Variants in NRG1 observed in about 807,000 individuals in gnomAD.
NRG1 encodes pro-neuregulin-1, membrane-bound isoform.
In NRG1, 18 loss-of-function variants were observed where a neutral mutation model predicts 63.8. The ratio of observed to expected loss-of-function variants is 0.28; its 90% CI spans 0.19 to 0.42. The LOEUF is 0.42. Among genes scored for constraint, NRG1 ranks in the 10% least tolerant of loss-of-function variants. The pLI is 1.00. For synonymous variants in NRG1, 302 were observed against 301.3 expected (o/e 1.00, Z -0.02); for missense variants, 762 against 814.7 (o/e 0.94, Z 0.79).
At chr8:32,205,576 A>G (rs1254789960) in intron 1 of NRG1, among the ~76,000 whole-genome samples, 1 of 152,216 alleles carries the variant, frequency 6.6e-6, no homozygotes, top group Non-Finnish European at 1.5e-5. Context: ...AAAAAGAGGA[A>G]TTAACTCAAA....
At chr8:32,752,508 T>G (rs1277317923) in intron 7 of NRG1, among the ~76,000 whole-genome samples, 1 of 152,216 alleles carries the variant, frequency 6.6e-6, no homozygotes, top group Non-Finnish European at 1.5e-5. Flanking sequence ...GGCTTCCACA[T>G]GACTGCTAGA....
rs1347750704 is a variant in NRG1, at chr8:31,887,997, ATAAACC to A, written c.37+248569_37+248574del. On this transcript the variant is annotated intron_variant, in intron 1 of 10. Coordinates refer to the NRG1 transcript ENST00000519301. ...ATATTGATATATTACATATCAATAT[ATAAACC>A]TAGGATATAAACCCAATATGTAATT... Among the ~76,000 whole-genome samples the A allele has an allele frequency of 3.3e-5, 5 of 151,742 alleles. No individual in the cohort carries two copies. The East Asian group carries it at 7.8e-4, about 24-fold the overall frequency.
At position 31,649,440 on chromosome 8, in the gene NRG1, G is replaced by GT. The variant is rs572984499; in HGVS notation, c.37+10014dup. ...AATGCACGTGGAGTAGTGGTGAGCA[G>GT]TTTTTATATTGTTGTTGTTTTCTAT... On this transcript the variant is annotated intron_variant, in intron 1 of 10. Transcript: ENST00000519301. Among the ~76,000 whole-genome samples the GT allele has an allele frequency of 3.6e-3, 555 of 152,276 alleles. 1 individual carries two copies. The highest frequency in any genetic ancestry group is 7.3e-3 in the Admixed American group (111 of 15,308).
chr8:31,920,880 A>G (rs541290356), intron 1 of NRG1, among the ~76,000 whole-genome samples: 74 of 126,160 alleles, frequency 5.9e-4, no homozygotes, highest in African/African-American at 1.9e-3. Context: ...AGATAGATAG[A>G]TAGGTAGATA....
chr8:32,087,355 T>A, intron 1 of NRG1, among the ~76,000 whole-genome samples: 1 of 152,080 alleles, frequency 6.6e-6, no homozygotes, highest in African/African-American at 2.4e-5. Flanking sequence ...CCACCATGAT[T>A]ATGAGCTTCC....
chr8:31,847,523 C>G (rs1826805103), intron 1 of NRG1, among the ~76,000 whole-genome samples: 1 of 152,228 alleles, frequency 6.6e-6, no homozygotes, highest in South Asian at 2.1e-4. Flanking sequence ...CCTACCTTTT[C>G]TACTATTGAG....
intron 1 of NRG1, among the ~76,000 whole-genome samples, chr8:31,871,746 T>G (rs1249757901): frequency 6.6e-6 from 1 of 152,090 alleles, no homozygotes; most frequent in Admixed American, 6.6e-5. Flanking sequence ...CATATCTAAT[T>G]CCTCCTTTTA....
intron 1 of NRG1, among the ~76,000 whole-genome samples, chr8:31,994,049 T>C (rs760761876): frequency 3.9e-5 from 6 of 152,014 alleles, no homozygotes; most frequent in African/African-American, 1.2e-4. Flanking sequence ...CAGGGTCTAG[T>C]TGCCATCTTA....
intron 1 of NRG1, among the ~76,000 whole-genome samples, chr8:32,066,654 T>C (rs948435617): frequency 6.6e-6 from 1 of 152,202 alleles, no homozygotes; most frequent in Non-Finnish European, 1.5e-5. Context: ...TGGCTTAGTG[T>C]TGACTTGGCA....
At chr8:32,467,662 T>C (rs1232109266) in intron 1 of NRG1, among the ~76,000 whole-genome samples, 2 of 152,100 alleles carry the variant, frequency 1.3e-5, no homozygotes, top group African/African-American at 4.8e-5. Context: ...ATCTGTCCTT[T>C]AAAGAGTATA....
In NRG1 at chr8:32,364,586, GGTT is replaced by G. The variant is rs375150876; in HGVS notation, c.38-231238_38-231236del. Among the ~76,000 whole-genome samples the G allele has an allele frequency of 2.1e-3, 315 of 151,974 alleles. 2 individuals carry two copies. Among genetic ancestry groups the G allele is most frequent in the Non-Finnish European group, 3.7e-3 (250 of 67,942 alleles). On this transcript the variant is annotated intron_variant, in intron 1 of 10. Coordinates refer to the NRG1 transcript ENST00000519301. ...ATGATATTGTATTGACAACCACCCG[GGTT>G]GTTTTTAATATTTCATTTTTACAAA...
At chr8:32,475,112 C>G (rs1184914378) in intron 1 of NRG1, among the ~76,000 whole-genome samples, 2 of 152,020 alleles carry the variant, frequency 1.3e-5, no homozygotes, top group Non-Finnish European at 2.9e-5. Flanking sequence ...AAGCAGCTTC[C>G]CCAGCTTACT....
chr8:31,861,918 C>T lies in NRG1; in HGVS notation c.37+222487C>T, dbSNP rs111890357. 3.9e-5 allele frequency among the ~76,000 whole-genome samples: 6 copies of T among 152,222 alleles called. 1 individual carries two copies. Among genetic ancestry groups the T allele is most frequent in the African/African-American group, 1.4e-4 (6 of 41,544 alleles). On this transcript the variant is annotated intron_variant, in intron 1 of 10. Transcript: ENST00000519301. ...CACCCTGAAATGGGTGAAAAAAAAT[C>T]AGGTACCTCCTATTTCATAAGGATG...
intron 1 of NRG1, among the ~76,000 whole-genome samples, chr8:31,980,766 T>TG (rs1808934991): frequency 6.6e-6 from 1 of 152,066 alleles, no homozygotes; most frequent in African/African-American, 2.4e-5. Context: ...TCATATATTT[T>TG]GGCATGATAA....
At chr8:31,792,559 GTTTCA>G (rs1326419745) in intron 1 of NRG1, among the ~76,000 whole-genome samples, 1 of 152,180 alleles carries the variant, frequency 6.6e-6, no homozygotes, top group Non-Finnish European at 1.5e-5. Context: ...TAAAAAAATT[GTTTCA>G]TTAATAGATT....
At chr8:31,650,951 A>G (rs1257961386) in intron 1 of NRG1, among the ~76,000 whole-genome samples, 1 of 152,166 alleles carries the variant, frequency 6.6e-6, no homozygotes, top group African/African-American at 2.4e-5. Context: ...GAGAAGGTAA[A>G]ATGCTTTTCA....
Position 32,551,162 on chromosome 8 carries a change from G to C in NRG1, c.100+2336G>C, listed in dbSNP as rs140810556. Among the ~76,000 whole-genome samples the C allele has an allele frequency of 3.9e-3, 592 of 152,206 alleles. 3 individuals are homozygous for C. Among genetic ancestry groups the C allele is most frequent in the Non-Finnish European group, 6.4e-3 (434 of 68,020 alleles). ...AGAATTCATACCTGATGACTATAATGGTTTGTGAGAAAAACCCACACTCTA... is the reference window on the plus strand; with the variant it reads ...AGAATTCATACCTGATGACTATAATCGTTTGTGAGAAAAACCCACACTCTA... On this transcript the variant is annotated intron_variant, in intron 1 of 11. Coordinates refer to ENST00000356819, the Ensembl canonical transcript of NRG1.
At chr8:31,804,038 T>G (rs1333030745) in intron 1 of NRG1, among the ~76,000 whole-genome samples, 2 of 152,198 alleles carry the variant, frequency 1.3e-5, no homozygotes, top group Non-Finnish European at 2.9e-5. Flanking sequence ...TATTTTTTCA[T>G]AGCAGTAACT....
At chr8:31,814,324 C>G (rs1435885807) in intron 1 of NRG1, among the ~76,000 whole-genome samples, 1 of 152,186 alleles carries the variant, frequency 6.6e-6, no homozygotes, top group East Asian at 1.9e-4. Context: ...AGTTAGTTCT[C>G]CAGCCCCGGT....
Sources: allele counts gnomAD v4.1 joint callset (sites outside exome capture counted in the v4.1 genomes callset), GRCh38; gene constraint gnomAD v4.1.1; transcripts MANE v1.5; gene names NCBI Gene and HGNC (gene_info 2026-07-23, HGNC 2026-07-21).